CDC73: variants seen among roughly 807,000 people sequenced by gnomAD.
CDC73 encodes parafibromin.
In CDC73, 21 loss-of-function variants were observed where a neutral mutation model predicts 83.7. The observed-to-expected ratio is 0.25, with a 90% CI of 0.18 to 0.36. CDC73 has a LOEUF of 0.36. Ranked by LOEUF, CDC73 falls within the 10% of genes least tolerant of loss-of-function variation. CDC73 has a pLI of 1.00. For synonymous variants in CDC73, 224 were observed against 212.9 expected (o/e 1.05, Z -0.45); for missense variants, 342 against 653.3 (o/e 0.52, Z 5.19).
chr1:193,198,632 A>G (rs1677041142), intron 10 of CDC73, among the ~76,000 whole-genome samples: 1 of 152,254 alleles, frequency 6.6e-6, no homozygotes, highest in Non-Finnish European at 1.5e-5. Flanking sequence ...AAGACATGAT[A>G]AAGGTATCCA....
Position 193,162,289 on chromosome 1 carries a change from ATATAT to A in CDC73, c.972+9851_972+9855del, listed in dbSNP as rs538840696. Among the ~76,000 whole-genome samples the A allele has an allele frequency of 5.1e-3, 650 of 126,896 alleles. 18 individuals are homozygous for A. Among genetic ancestry groups the A allele is most frequent in the African/African-American group, 9.3e-3 (298 of 32,196 alleles). 83.2% of individuals were successfully genotyped at this position (126,896 alleles called of 152,430 possible). On this transcript the variant is annotated intron_variant, in intron 10 of 16. Coordinates refer to ENST00000367435, the MANE Select transcript of CDC73 (RefSeq NM_024529.5). ...TAATAGATAATATATAGTATATATG[ATATAT>A]TATATATACTATATATTATATATCA...
In CDC73 at chr1:193,131,632, A is replaced by T. The variant is rs189451933; in HGVS notation, c.307+1389A>T. Reference sequence around the variant, plus strand: ...AATCTCTGTGACTCCATCTTCTACCATTCTTCCTTTGCTCATAACAGTCAG... The same window carrying T: ...AATCTCTGTGACTCCATCTTCTACCTTTCTTCCTTTGCTCATAACAGTCAG... On this transcript the variant is annotated intron_variant, in intron 3 of 16. Transcript: ENST00000367435. Among the ~76,000 whole-genome samples the T allele has an allele frequency of 6.0e-4, 91 of 152,272 alleles. No individual in the cohort carries two copies. The Middle Eastern group carries it at 0.01, about 17-fold the overall frequency.
At chr1:193,132,879 A>G (rs1326575634) in intron 3 of CDC73, among the ~76,000 whole-genome samples, 1 of 144,950 alleles carries the variant, frequency 6.9e-6, no homozygotes, top group East Asian at 2.1e-4. Context: ...TTATCCATCT[A>G]TGTCATTTCC....
At chr1:193,161,430 G>A (rs1676306802) in intron 10 of CDC73, among the ~76,000 whole-genome samples, 1 of 149,832 alleles carries the variant, frequency 6.7e-6, no homozygotes, top group Non-Finnish European at 1.5e-5. Context: ...ATAACTCACT[G>A]TTGAACTTGT....
At chr1:193,182,295 T>C (rs932958503) in intron 10 of CDC73, among the ~76,000 whole-genome samples, 10 of 152,158 alleles carry the variant, frequency 6.6e-5, no homozygotes, top group African/African-American at 2.4e-4. Flanking sequence ...CAGTGTAGGA[T>C]TTTTAGACAG....
At chr1:193,148,372 C>G (rs1272327639) in intron 8 of CDC73, among the ~76,000 whole-genome samples, 1 of 152,116 alleles carries the variant, frequency 6.6e-6, no homozygotes, top group African/African-American at 2.4e-5. Flanking sequence ...TTCTCTTGAT[C>G]ACCAGCCATG....
chr1:193,254,201 TAAAG>T lies in CDC73; in HGVS notation c.*3493_*3496del, dbSNP rs561074766. Among the ~76,000 whole-genome samples the T allele has an allele frequency of 2.1e-3, 314 of 152,020 alleles. 1 individual carries two copies. The highest frequency in any genetic ancestry group is 7.2e-3 in the African/African-American group (301 of 41,534). ...ATACTTTTTAAAAAAAGATTCTTAATAAAGAAATTATTGGTTTGTCTGGTTAAAG... is the reference window on the plus strand; with the variant it reads ...ATACTTTTTAAAAAAAGATTCTTAATAAATTATTGGTTTGTCTGGTTAAAG... On this transcript the variant is annotated 3_prime_UTR_variant, in exon 17 of 17. Coordinates refer to ENST00000367435, the MANE Select transcript of CDC73 (RefSeq NM_024529.5).
intron 8 of CDC73, among the ~76,000 whole-genome samples, chr1:193,148,900 G>A (rs967460126): frequency 5.3e-5 from 8 of 151,484 alleles, no homozygotes; most frequent in Admixed American, 2.0e-4. Context: ...TGCCCACCTC[G>A]GCCTTCCAGA....
intron 10 of CDC73, among the ~76,000 whole-genome samples, chr1:193,172,487 G>C (rs1054723992): frequency 6.6e-6 from 1 of 152,034 alleles, no homozygotes; most frequent in Non-Finnish European, 1.5e-5. Context: ...AGGTTATAGA[G>C]CCTTTTATGT....
chr1:193,203,849 C>A lies in CDC73; in HGVS notation c.1027C>A (p.Pro343Thr). The stretch of plus-strand genomic sequence containing the variant: ...TCCTGCAGCCCAGCCAGTACCAAGA[C>A]CAGGTAGAAATATAGAACTTTGCTT... ...QTPAAQPVPR[P>T]VSQARPPPNQ... is the part of the protein sequence containing the mutation. Residue 343 changes from proline to threonine, a missense_variant, in exon 11 of 17, where the codon CCA becomes ACA. Around this residue, in one of 3 missense-constraint regions of CDC73, gnomAD observed 239 missense variants for 420.6 expected, o/e 0.57. Transcript: ENST00000367435. The A allele has an allele frequency of 6.2e-7, 1 of 1,613,282 alleles. No individual in the cohort carries two copies.
At position 193,162,261 on chromosome 1, in the gene CDC73, A is replaced by ATTG. The variant is rs1558293582; in HGVS notation, c.972+9818_972+9819insTGT. On this transcript the variant is annotated intron_variant, in intron 10 of 16. Transcript: ENST00000367435. ...ATATAATATATAATAAATATAGTAT[A>ATTG]TATAATAGATAATATATAGTATATA... is the stretch of plus-strand genomic sequence containing the variant. Among the ~76,000 whole-genome samples the ATTG allele has an allele frequency of 1.2e-3, 141 of 117,630 alleles. 1 individual carries two copies. The highest frequency in any genetic ancestry group is 3.7e-3 in the South Asian group (15 of 4,086). 77.2% of individuals were successfully genotyped at this position (117,630 alleles called of 152,430 possible).
intron 9 of CDC73, among the ~76,000 whole-genome samples, chr1:193,151,785 G>A (rs1046865799): frequency 6.6e-6 from 1 of 152,074 alleles, no homozygotes; most frequent in Non-Finnish European, 1.5e-5. Flanking sequence ...ATACCTGGGT[G>A]TGGTGGTGCA....
chr1:193,204,006 A>G (rs910668039), intron 11 of CDC73, among the ~76,000 whole-genome samples, 154 bp downstream of exon 11: 1 of 152,118 alleles, frequency 6.6e-6, no homozygotes, highest in Non-Finnish European at 1.5e-5. Flanking sequence ...CTGTTTAAGC[A>G]GATCTCAAAA....
At chr1:193,237,172 C>T (rs1007691727) in intron 15 of CDC73, 9 of 151,712 alleles carry the variant, frequency 5.9e-5, no homozygotes, top group African/African-American at 1.5e-4. Context: ...CCTTGTGATC[C>T]ACCCATTAGT....
At chr1:193,175,884 T>TA (rs1489197394) in intron 10 of CDC73, among the ~76,000 whole-genome samples, 6 of 152,204 alleles carry the variant, frequency 3.9e-5, no homozygotes, top group African/African-American at 1.2e-4. Context: ...TTTACTTTTG[T>TA]AAAAATCAAG....
At chr1:193,179,529 A>G (rs1676674081) in intron 10 of CDC73, 1 of 152,630 alleles carries the variant, frequency 6.6e-6, no homozygotes, top group Non-Finnish European at 1.5e-5. Context: ...TCATTGAAAT[A>G]GGAGTTTGGT....
intron 10 of CDC73, among the ~76,000 whole-genome samples, chr1:193,194,277 T>A (rs917718003): frequency 6.6e-6 from 1 of 152,166 alleles, no homozygotes; most frequent in Admixed American, 6.5e-5. Flanking sequence ...TTTGAGGTCA[T>A]CTAAAAATTT....
At chr1:193,146,981 G>A (rs1033743583) in intron 7 of CDC73, among the ~76,000 whole-genome samples, 3 of 151,834 alleles carry the variant, frequency 2.0e-5, no homozygotes, top group African/African-American at 7.3e-5. Flanking sequence ...TTTGACAAAT[G>A]TATTTATATT....
At chr1:193,174,269 C>T (rs1315658014) in intron 10 of CDC73, among the ~76,000 whole-genome samples, 1 of 152,038 alleles carries the variant, frequency 6.6e-6, no homozygotes, top group Admixed American at 6.6e-5. Context: ...CTGATTCCTT[C>T]TCATAATTCA....
Sources: allele counts gnomAD v4.1 joint callset (sites outside exome capture counted in the v4.1 genomes callset), GRCh38; gene constraint gnomAD v4.1.1; regional missense constraint gnomAD v4.1.1; transcripts MANE v1.5; gene names NCBI Gene and HGNC (gene_info 2026-07-23, HGNC 2026-07-21).